Variants in CNTNAP2 observed in about 807,000 individuals in gnomAD.
CNTNAP2 encodes the protein contactin-associated protein-like 2.
CNTNAP2 carries 98 observed loss-of-function variants against 155.2 expected under a neutral mutation model. The observed-to-expected ratio is 0.63, with a 90% CI of 0.54 to 0.75. The LOEUF (loss-of-function observed/expected upper bound fraction) is 0.75, where lower values mean the gene tolerates loss of function less well. Among genes scored for constraint, CNTNAP2 ranks in the 30% least tolerant of loss-of-function variants. CNTNAP2 has a pLI of 0.00. For synonymous variants in CNTNAP2, 651 were observed against 631.2 expected (o/e 1.03, Z -0.47); for missense variants, 1,727 against 1,688.1 (o/e 1.02, Z -0.40).
intron 18 of CNTNAP2, among the ~76,000 whole-genome samples, chr7:148,191,852 A>G (rs1795206189): frequency 6.6e-6 from 1 of 152,180 alleles, no homozygotes; most frequent in Non-Finnish European, 1.5e-5. Flanking sequence ...AAAATATAAA[A>G]CAGTTTACTT....
At chr7:148,133,841 G>A (rs986280103) in intron 16 of CNTNAP2, 1 of 152,146 alleles carries the variant, frequency 6.6e-6, no homozygotes, top group African/African-American at 2.4e-5. Flanking sequence ...CCAAAAAGGA[G>A]TAAACTTTAA....
intron 13 of CNTNAP2, among the ~76,000 whole-genome samples, chr7:147,739,140 AG>A (rs922833450): frequency 6.8e-6 from 1 of 146,722 alleles, no homozygotes; most frequent in South Asian, 2.1e-4. Flanking sequence ...GTCTCTCTGA[AG>A]TTTTTTTTTT....
chr7:147,121,042 A>T lies in CNTNAP2; in HGVS notation c.818A>T (p.Asp273Val), dbSNP rs761238379. The T allele has an allele frequency of 4.6e-5, 74 of 1,614,044 alleles. No individual in the cohort carries two copies. Among genetic ancestry groups the T allele is most frequent in the Non-Finnish European group, 6.3e-5 (74 of 1,180,006 alleles). The change falls in exon 6 of 24, where the codon GAC (aspartate) becomes GTC (valine). Residue 273 changes from aspartate (D) to valine (V), a missense_variant. Physicochemically the swap from Asp to Val is radical, Grantham distance 152. Coordinates refer to ENST00000361727, the MANE Select transcript of CNTNAP2 (RefSeq NM_014141.6). Reference protein sequence around the residue: ...TSVMTGSLLDDHHWHSVVIER... With the variant: ...TSVMTGSLLDVHHWHSVVIER... The stretch of plus-strand genomic sequence containing the variant: ...GTGATGACAGGAAGTTTGCTGGATG[A>T]CCACCACTGGCACTCTGTGGTCATT...
chr7:146,766,364 C>T (rs1802194599), intron 1 of CNTNAP2, among the ~76,000 whole-genome samples: 1 of 151,998 alleles, frequency 6.6e-6, no homozygotes. Context: ...TATTGAAATT[C>T]CTGCAATATT....
intron 1 of CNTNAP2, among the ~76,000 whole-genome samples, chr7:146,318,191 G>GTA (rs1480992354): frequency 2.6e-5 from 4 of 151,554 alleles, no homozygotes; most frequent in Non-Finnish European, 2.9e-5. Context: ...ATTATTGGAT[G>GTA]TAAACTAGTG....
intron 10 of CNTNAP2, among the ~76,000 whole-genome samples, chr7:147,396,189 A>G (rs1484690055): frequency 6.8e-6 from 1 of 147,890 alleles, no homozygotes; most frequent in African/African-American, 2.5e-5. Flanking sequence ...TAGCATATAT[A>G]TATATATATG....
intron 14 of CNTNAP2, among the ~76,000 whole-genome samples, chr7:147,976,432 A>C (rs1421555410): frequency 3.3e-5 from 5 of 152,184 alleles, no homozygotes; most frequent in Non-Finnish European, 7.3e-5. Flanking sequence ...GTTTGTAAAA[A>C]ATTCCACAGA....
chr7:146,824,264 C>T lies in CNTNAP2; in HGVS notation c.209-15447C>T, dbSNP rs113860512. Among the ~76,000 whole-genome samples the T allele has an allele frequency of 8.0e-3, 1,223 of 152,224 alleles. 19 individuals carry two copies. Among genetic ancestry groups the T allele is most frequent in the African/African-American group, 0.026 (1,100 of 41,538 alleles). On this transcript the variant is annotated intron_variant, in intron 2 of 23. Coordinates refer to ENST00000361727, the MANE Select transcript of CNTNAP2 (RefSeq NM_014141.6). ...GTATTCCAAAAATGTATATGTGACA[C>T]ATTTTCTTTATTCAGTCTATCATTG...
intron 1 of CNTNAP2, among the ~76,000 whole-genome samples, chr7:146,695,280 C>T (rs1029528061): frequency 6.6e-6 from 1 of 152,092 alleles, no homozygotes; most frequent in African/African-American, 2.4e-5. Flanking sequence ...CTAATTTGTT[C>T]AGAGTTTTTA....
At chr7:146,863,885 A>G (rs929108056) in intron 3 of CNTNAP2, among the ~76,000 whole-genome samples, 1 of 152,110 alleles carries the variant, frequency 6.6e-6, no homozygotes, top group Admixed American at 6.5e-5. Context: ...CAAAATGTCT[A>G]AATGCTTAGC....
chr7:146,721,889 A>ATTTTTTTTTTTTTTTT (rs71527797), intron 1 of CNTNAP2, among the ~76,000 whole-genome samples: 11 of 69,704 alleles, frequency 1.6e-4, no homozygotes, highest in African/African-American at 1.5e-3. Flanking sequence ...ATATATATAT[A>ATTTTTTTTTTTTTTTT]TTTTTTTTTT....
intron 1 of CNTNAP2, among the ~76,000 whole-genome samples, chr7:146,334,430 C>CAAA (rs1179295401): frequency 0.011 from 1,052 of 93,964 alleles, 18 homozygotes; most frequent in African/African-American, 0.038. Context: ...GACTCCGTCT[C>CAAA]AAAAAAAAAA....
intron 13 of CNTNAP2, among the ~76,000 whole-genome samples, chr7:147,680,512 G>T (rs959552599): frequency 1.3e-5 from 2 of 151,872 alleles, no homozygotes; most frequent in African/African-American, 4.8e-5. Flanking sequence ...TGGGGCCCCG[G>T]CTGTTTCTGA....
At chr7:147,110,600 TCA>T (rs1800855505) in intron 5 of CNTNAP2, among the ~76,000 whole-genome samples, 4 of 152,126 alleles carry the variant, frequency 2.6e-5, no homozygotes, top group Admixed American at 6.5e-5. Context: ...CATTCAGTTC[TCA>T]CTTATAAGTG....
At chr7:146,992,949 C>A (rs1332138745) in intron 3 of CNTNAP2, among the ~76,000 whole-genome samples, 1 of 152,124 alleles carries the variant, frequency 6.6e-6, no homozygotes, top group Non-Finnish European at 1.5e-5. Context: ...TTATTCTATT[C>A]TCTGCTCACA....
intron 3 of CNTNAP2, among the ~76,000 whole-genome samples, chr7:146,845,432 A>G (rs1443836190): frequency 1.3e-5 from 2 of 152,210 alleles, no homozygotes; most frequent in Non-Finnish European, 2.9e-5. Context: ...TGAGAAGTAG[A>G]TATAATTCCT....
chr7:148,353,574 A>C (rs1798464547), intron 21 of CNTNAP2, among the ~76,000 whole-genome samples: 1 of 152,222 alleles, frequency 6.6e-6, no homozygotes, highest in Admixed American at 6.5e-5. Flanking sequence ...GTAATACTAA[A>C]AATCTCAGAA....
intron 9 of CNTNAP2, among the ~76,000 whole-genome samples, chr7:147,372,395 C>A (rs952421398): frequency 6.6e-6 from 1 of 152,016 alleles, no homozygotes; most frequent in Non-Finnish European, 1.5e-5. Flanking sequence ...TCCTTTTTGG[C>A]CTTTCTATTT....
chr7:146,919,490 T>C (rs1374213950), intron 3 of CNTNAP2, among the ~76,000 whole-genome samples: 1 of 152,188 alleles, frequency 6.6e-6, no homozygotes, highest in Non-Finnish European at 1.5e-5. Flanking sequence ...GCTACTGGGC[T>C]CCAGGCTGGT....
Sources: allele counts gnomAD v4.1 joint callset (sites outside exome capture counted in the v4.1 genomes callset), GRCh38; gene constraint gnomAD v4.1.1; transcripts MANE v1.5; gene names NCBI Gene and HGNC (gene_info 2026-07-23, HGNC 2026-07-21).